The following ATP11C variants were observed in gnomAD, a reference collection of about 807,000 sequenced individuals.
ATP11C encodes ATPase phospholipid transporting 11C (ATP11C blood group).
ATP11C carries 36 observed loss-of-function variants against 97.4 expected under a neutral mutation model. That is an observed-to-expected ratio of 0.37 (90% confidence interval 0.28 to 0.49). The LOEUF (loss-of-function observed/expected upper bound fraction) is 0.49, where lower values mean the gene tolerates loss of function less well. Among genes scored for constraint, ATP11C ranks in the 20% least tolerant of loss-of-function variants. The pLI is 0.98. For synonymous variants in ATP11C, 275 were observed against 290.9 expected, an observed-to-expected ratio of 0.95 and a Z score of 0.56; for missense variants, 730 against 824.6, an observed-to-expected ratio of 0.89 and a Z score of 1.40.
Position 139,741,116 on chromosome X carries a change from G to C in ATP11C, c.3031-22C>G, listed in dbSNP as rs747680720. Reference sequence around the variant, plus strand: ...CAAGCTGAAAAGATACAACACAAAAGATTTCACGACGGTTACGAATTGCAC... The same window carrying C: ...CAAGCTGAAAAGATACAACACAAAACATTTCACGACGGTTACGAATTGCAC... On this transcript the variant is annotated intron_variant, in intron 26 of 29. Transcript: ENST00000682941. 6 of 1,024,529 alleles carry C rather than the reference G, an allele frequency of 5.9e-6. No individual in the cohort carries two copies. In the African/African-American group the frequency reaches 7.5e-5, roughly 13 times the overall value. 84.4% of individuals were successfully genotyped at this position (1,024,529 alleles called of 1,213,427 possible).
rs775939371 is a variant in ATP11C at position 139,783,861 on chromosome X, G to A, written c.1667-594C>T. On this transcript the variant is annotated intron_variant, in intron 16 of 29. Transcript: ENST00000682941. ...CCAGCCTAGATGACAGAGTAATACC[G>A]TGTCTTAAAAAAAAAAAAATGCAGT... 1.2e-4 allele frequency among the ~76,000 whole-genome samples: 12 copies of A among 97,446 alleles called. No homozygotes were observed. In the South Asian group the frequency reaches 4.1e-3, roughly 33 times the overall value. 84.6% of individuals were successfully genotyped at this position (97,446 alleles called of 115,157 possible).
At chrX:139,914,250 T>C (rs1281705190) in intron 1 of ATP11C, among the ~76,000 whole-genome samples, 1 of 112,211 alleles carries the variant, frequency 8.9e-6, no homozygotes, top group African/African-American at 3.2e-5. Flanking sequence ...CCAGCTATAA[T>C]GAAGATGTTG....
At chrX:139,826,362 T>C (rs1203647085) in intron 2 of ATP11C, among the ~76,000 whole-genome samples, 1 of 110,225 alleles carries the variant, frequency 9.1e-6, no homozygotes, top group African/African-American at 3.3e-5. Flanking sequence ...TTGCATTCTT[T>C]TATATCCTAG....
intron 23 of ATP11C, among the ~76,000 whole-genome samples, chrX:139,757,273 A>G (rs2081956020): frequency 9.0e-6 from 1 of 111,665 alleles, no homozygotes; most frequent in South Asian, 3.7e-4. Context: ...AATCCATTTC[A>G]GTTTTTAAAA....
At chrX:139,772,088 C>G (rs1413731512) in intron 19 of ATP11C, among the ~76,000 whole-genome samples, 1 of 112,016 alleles carries the variant, frequency 8.9e-6, no homozygotes, top group Non-Finnish European at 1.9e-5. Flanking sequence ...CCAGCGTCCC[C>G]GTGCTGTGTG....
intron 10 of ATP11C, 121 bp from the exon 11 acceptor site, chrX:139,797,447 T>C: frequency 4.3e-6 from 2 of 468,530 alleles, no homozygotes; most frequent in Non-Finnish European, 6.5e-6. Context: ...AGCCTTTGTG[T>C]ATTAACCTCA....
At chrX:139,930,559 G>T (rs1364456911) in intron 1 of ATP11C, among the ~76,000 whole-genome samples, 1 of 111,497 alleles carries the variant, frequency 9.0e-6, no homozygotes, top group African/African-American at 3.3e-5. Context: ...ATGTGAAACA[G>T]CTATTAAGAA....
chrX:139,896,740 G>A (rs891077713), intron 1 of ATP11C, among the ~76,000 whole-genome samples: 14 of 108,361 alleles, frequency 1.3e-4, no homozygotes, highest in African/African-American at 4.4e-4. Context: ...TCAGCCTCCT[G>A]GGTAGTCCCA....
chrX:139,773,894 A>C (rs913654621), intron 19 of ATP11C, among the ~76,000 whole-genome samples: 11 of 112,549 alleles, frequency 9.8e-5, no homozygotes, highest in Non-Finnish European at 1.9e-4. Context: ...CTGGGTTGTT[A>C]ATGATGATTA....
chrX:139,830,452 G>C (rs1339240068), intron 1 of ATP11C, among the ~76,000 whole-genome samples: 2 of 111,805 alleles, frequency 1.8e-5, no homozygotes, highest in Non-Finnish European at 3.8e-5. Flanking sequence ...ACCATTTTAA[G>C]CTGCTCGCAA....
chrX:139,847,855 C>A (rs931344750), intron 1 of ATP11C, among the ~76,000 whole-genome samples: 1 of 111,323 alleles, frequency 9.0e-6, no homozygotes, highest in African/African-American at 3.3e-5. Flanking sequence ...AACCTCTTAA[C>A]TATGTAACTC....
At chrX:139,743,146 T>C (rs1369070795) in intron 26 of ATP11C, among the ~76,000 whole-genome samples, 2 of 109,453 alleles carry the variant, frequency 1.8e-5, no homozygotes, top group African/African-American at 6.7e-5. Context: ...AGAAGTATAA[T>C]TTTTAGAAGA....
At chrX:139,921,342 G>A (rs1432505822) in intron 1 of ATP11C, among the ~76,000 whole-genome samples, 1 of 110,921 alleles carries the variant, frequency 9.0e-6, no homozygotes, top group Non-Finnish European at 1.9e-5. Context: ...TGAGTCTCAC[G>A]AGATCTGACG....
rs1371830896 is a variant in ATP11C at position 139,821,767 on chromosome X, C to T, written c.148-2340G>A. ...TCCTAAGTCCCCTTATCACAGGTGCCTAGAACAATAGTTTAGCACACAGAA... is the reference window on the plus strand; with the variant it reads ...TCCTAAGTCCCCTTATCACAGGTGCTTAGAACAATAGTTTAGCACACAGAA... On this transcript the variant is annotated intron_variant, in intron 2 of 29. Coordinates refer to ENST00000682941, the MANE Select transcript of ATP11C (RefSeq NM_001353812.2). Among the ~76,000 whole-genome samples, 10 of 111,961 alleles carry T rather than the reference C, an allele frequency of 8.9e-5. No individual in the cohort carries two copies. In the Admixed American group the frequency reaches 9.5e-4, roughly 11 times the overall value.
At chrX:139,799,735 C>T (rs1198780095) in intron 8 of ATP11C, among the ~76,000 whole-genome samples, 4 of 101,144 alleles carry the variant, frequency 4.0e-5, no homozygotes, top group Admixed American at 1.1e-4. Context: ...TCACTGCGAC[C>T]TTCGCCTCCC....
chrX:139,802,307 C>T lies in ATP11C; in HGVS notation c.588G>A (p.Leu196=). 1 of 1,205,982 alleles carries T rather than the reference C, an allele frequency of 8.3e-7. No individual in the cohort carries two copies. Residue 196 remains leucine (L), a synonymous_variant, in exon 7 of 30, where the codon CTG becomes CTA. Coordinates refer to ENST00000682941, the MANE Select transcript of ATP11C (RefSeq NM_001353812.2). ...THYAVRDTIA[L]CTAESIDTLR... The stretch of plus-strand genomic sequence containing the variant: ...GGGTATCGATGGATTCTGCTGTACA[C>T]AGTGCAATGGTATCACGTACTGCAT...
In ATP11C at chrX:139,919,791, C is replaced by T. The variant is rs1272027769; in HGVS notation, c.27+12225G>A. 2.7e-5 allele frequency among the ~76,000 whole-genome samples: 3 copies of T among 109,878 alleles called. No individual in the cohort carries two copies. In the Admixed American group the frequency reaches 2.9e-4, roughly 11 times the overall value. On this transcript the variant is annotated intron_variant, in intron 1 of 29. Transcript: ENST00000682941. Reference sequence around the variant, plus strand: ...AAAAATAGCCGGGTGTGGTGGTGCACGCCTGTTGTCCCAGCTACTCAGGAG... The same window carrying T: ...AAAAATAGCCGGGTGTGGTGGTGCATGCCTGTTGTCCCAGCTACTCAGGAG...
At chrX:139,926,063 G>T (rs984157246) in intron 1 of ATP11C, among the ~76,000 whole-genome samples, 9 of 111,685 alleles carry the variant, frequency 8.1e-5, no homozygotes, top group African/African-American at 2.9e-4. Context: ...ATATGCTGCA[G>T]TTGTGCCAGT....
At chrX:139,787,015 A>C (rs958424466) in intron 15 of ATP11C, among the ~76,000 whole-genome samples, 158 bp downstream of exon 15, 3 of 112,044 alleles carry the variant, frequency 2.7e-5, no homozygotes, top group Non-Finnish European at 5.6e-5. Flanking sequence ...TCTATGTAAC[A>C]TGGCTTCTAC....
Sources: gnomAD v4.1 joint callset for allele counts (sites outside exome capture counted in the v4.1 genomes callset) on GRCh38, gnomAD v4.1.1 for gene constraint, MANE v1.5 for transcripts, NCBI Gene and HGNC (gene_info 2026-07-23, HGNC 2026-07-21) for gene names.